The following IQCK variants were observed in gnomAD, a reference collection of about 807,000 sequenced individuals.
IQCK encodes the protein IQ domain-containing protein K.
In IQCK, 29 loss-of-function variants were observed where a neutral mutation model predicts 28.1. That is an observed-to-expected ratio of 1.03 (90% CI 0.77 to 1.41). The LOEUF is 1.41. Among genes scored for constraint, IQCK ranks in the 40% most tolerant of loss-of-function variants. IQCK has a pLI of 0.00. For synonymous variants in IQCK, 113 were observed against 115.1 expected, an observed-to-expected ratio of 0.98 and a Z score of 0.12; for missense variants, 359 against 314.7, an observed-to-expected ratio of 1.14 and a Z score of -1.07.
chr16:19,774,112 G>A (rs2055355260), intron 6 of IQCK, among the ~76,000 whole-genome samples: 1 of 152,198 alleles, frequency 6.6e-6, no homozygotes, highest in Admixed American at 6.5e-5. Flanking sequence ...GAATGTTCTA[G>A]AAGTCAAAGA....
rs558043600 is a variant in IQCK at position 19,751,295 on chromosome 16, C to T, written c.475-12553C>T. The stretch of plus-strand genomic sequence containing the variant: ...GTCACTTGAGACCAGGAATTGGAGA[C>T]CAGCCTGGGCAACCCCATCTCTACA... On this transcript the variant is annotated intron_variant, in intron 4 of 7. Transcript: ENST00000564186. 2.6e-5 allele frequency among the ~76,000 whole-genome samples: 4 copies of T among 152,062 alleles called. No individual in the cohort carries two copies. In the South Asian group the frequency reaches 8.3e-4, roughly 32 times the overall value.
intron 7 of IQCK, among the ~76,000 whole-genome samples, chr16:19,790,736 G>A (rs2055606404): frequency 9.6e-6 from 1 of 104,084 alleles, no homozygotes; most frequent in East Asian, 2.4e-4. Context: ...GTACATTCCA[G>A]AAACCATGGG....
intron 4 of IQCK, among the ~76,000 whole-genome samples, chr16:19,746,875 G>C (rs2054919622): frequency 6.6e-6 from 1 of 152,208 alleles, no homozygotes; most frequent in African/African-American, 2.4e-5. Flanking sequence ...CTAACTGCCA[G>C]ATAGGGGGAA....
intron 9 of IQCK, among the ~76,000 whole-genome samples, chr16:19,840,146 A>C (rs571216447): frequency 6.6e-6 from 1 of 152,324 alleles, no homozygotes; most frequent in South Asian, 2.1e-4. Context: ...ACCTGAGATC[A>C]GGAGTTCAAG....
At chr16:19,722,667 A>T (rs1367123752) in intron 1 of IQCK, among the ~76,000 whole-genome samples, 1 of 150,918 alleles carries the variant, frequency 6.6e-6, no homozygotes. Context: ...ACTTATCTCC[A>T]TCTCCACGAA....
chr16:19,758,863 C>T (rs1169474596), intron 4 of IQCK, among the ~76,000 whole-genome samples: 3 of 152,078 alleles, frequency 2.0e-5, no homozygotes, highest in Non-Finnish European at 4.4e-5. Context: ...ATAAAGGTTT[C>T]GGTAAAAAGT....
downstream of IQCK, among the ~76,000 whole-genome samples, chr16:19,828,949 A>C (rs1184137816): frequency 7.0e-6 from 1 of 143,150 alleles, no homozygotes; most frequent in African/African-American, 2.5e-5. Flanking sequence ...TTAATTATTT[A>C]ATTATTTAAA....
chr16:19,849,333 A>G (rs1240086706), intron 9 of IQCK, among the ~76,000 whole-genome samples: 2 of 151,616 alleles, frequency 1.3e-5, no homozygotes, highest in Admixed American at 6.6e-5. Context: ...TTTTGGACGT[A>G]ATGAATGTAA....
At chr16:19,766,898 C>T (rs1341896305) in intron 6 of IQCK, among the ~76,000 whole-genome samples, 4 of 152,170 alleles carry the variant, frequency 2.6e-5, no homozygotes, top group Non-Finnish European at 4.4e-5. Flanking sequence ...AGTAAAACCC[C>T]ATCTCCGCTA....
chr16:19,757,309 T>G (rs919509031), intron 4 of IQCK, among the ~76,000 whole-genome samples: 45 of 152,252 alleles, frequency 3.0e-4, no homozygotes, highest in Non-Finnish European at 4.4e-5. Flanking sequence ...AGTCCTCCAG[T>G]GTGTCTCTTC....
In IQCK at chr16:19,718,335, A is replaced by G. The variant is rs755840966; in HGVS notation, c.29A>G (p.His10Arg). Residue 10 changes from histidine (H) to arginine (R), a missense_variant, in exon 1 of 8, where the codon CAC becomes CGC. Physicochemically the swap from His to Arg is conservative, Grantham distance 29 (BLOSUM62 0). Transcript: ENST00000564186. ...GCGGCACCGCGGCAAATCCCCAGCCACATAGTGCGCCTCAAGCCCAGCTGC... is the reference window on the plus strand; with the variant it reads ...GCGGCACCGCGGCAAATCCCCAGCCGCATAGTGCGCCTCAAGCCCAGCTGC... 6 of 1,609,806 alleles carry G rather than the reference A, an allele frequency of 3.7e-6. No individual in the cohort carries two copies. The East Asian group carries it at 8.9e-5, about 24-fold the overall frequency.
At chr16:19,827,253 C>T, downstream of IQCK, 1 of 692,876 alleles carries the variant, frequency 1.4e-6, no homozygotes, top group Non-Finnish European at 2.6e-6. Flanking sequence ...TGGAACTCAG[C>T]TTGTGCATGG....
intron 7 of IQCK, among the ~76,000 whole-genome samples, chr16:19,817,469 A>T (rs1238719832): frequency 6.6e-6 from 1 of 152,142 alleles, no homozygotes; most frequent in Non-Finnish European, 1.5e-5. Context: ...TCTATGGGTA[A>T]ATAGCAGTCC....
chr16:19,724,208 C>T (rs62024965), intron 1 of IQCK, among the ~76,000 whole-genome samples: 7,846 of 152,222 alleles, frequency 0.052, 494 homozygotes, highest in South Asian at 0.24. Flanking sequence ...ACTCAGTCCA[C>T]GTGGCCCCTC....
chr16:19,809,962 A>G (rs2055881973), intron 7 of IQCK, among the ~76,000 whole-genome samples: 1 of 152,170 alleles, frequency 6.6e-6, no homozygotes, highest in Non-Finnish European at 1.5e-5. Context: ...CCTTGACTGT[A>G]CATTAGAAAC....
At chr16:19,827,627 T>G (rs749454818), downstream of IQCK, among the ~76,000 whole-genome samples, 3 of 152,146 alleles carry the variant, frequency 2.0e-5, no homozygotes, top group Non-Finnish European at 4.4e-5. Flanking sequence ...TCCAGAGAGA[T>G]TAGCATTTGA....
chr16:19,752,265 T>C (rs2054996523), intron 4 of IQCK, among the ~76,000 whole-genome samples: 1 of 152,234 alleles, frequency 6.6e-6, no homozygotes, highest in Non-Finnish European at 1.5e-5. Context: ...GCTGGCTCAG[T>C]GGCTACATTG....
chr16:19,736,314 G>T (rs1015241887), intron 4 of IQCK: 3 of 377,574 alleles, frequency 7.9e-6, no homozygotes, highest in East Asian at 7.3e-5. Flanking sequence ...TCAGGCTGGG[G>T]TGCAGTGGCG....
chr16:19,753,288 A>T (rs1044239036), intron 4 of IQCK, among the ~76,000 whole-genome samples: 6 of 151,988 alleles, frequency 3.9e-5, no homozygotes, highest in Non-Finnish European at 7.4e-5. Context: ...TGAGCATTAC[A>T]GGTGGCATGT....
Sources: allele counts gnomAD v4.1 joint callset (sites outside exome capture counted in the v4.1 genomes callset), GRCh38; gene constraint gnomAD v4.1.1; transcripts MANE v1.5; gene names NCBI Gene and HGNC (gene_info 2026-07-23, HGNC 2026-07-21).